The following ANKRD10 variants were observed in gnomAD, a reference collection of about 807,000 sequenced individuals.
ANKRD10 encodes the protein ankyrin repeat domain-containing protein 10.
In ANKRD10, 14 loss-of-function variants were observed where a neutral mutation model predicts 27.0. The ratio of observed to expected loss-of-function variants is 0.52; its 90% CI spans 0.34 to 0.81. The LOEUF is 0.81. Among genes scored for constraint, ANKRD10 ranks in the 40% least tolerant of loss-of-function variants. The probability of loss-of-function intolerance (pLI) is 0.01; values close to 1 mark genes in which losing one functional copy is unlikely to be tolerated. For missense variants in ANKRD10, 493 were observed against 544.0 expected (o/e 0.91, Z 0.93); for synonymous variants, 250 against 224.5 (o/e 1.11, Z -1.01).
At chr13:110,887,363 C>A (rs976083023) in intron 4 of ANKRD10, among the ~76,000 whole-genome samples, 1 of 152,112 alleles carries the variant, frequency 6.6e-6, no homozygotes, top group Non-Finnish European at 1.5e-5. Context: ...CAATTGGACA[C>A]CAAGGTCGTG....
intron 1 of ANKRD10, among the ~76,000 whole-genome samples, chr13:110,912,435 T>C (rs1323029219): frequency 2.0e-5 from 3 of 152,218 alleles, no homozygotes; most frequent in Non-Finnish European, 1.5e-5. Context: ...ATTAATTCAC[T>C]GGGTGAAAAT....
Position 110,880,076 on chromosome 13 carries a change from G to T in ANKRD10, c.824C>A (p.Thr275Lys). Residue 275 changes from threonine to lysine, a missense_variant, in exon 6 of 6, where the codon ACA becomes AAA. Transcript: ENST00000267339. ...KNSSSVSNTL[T>K]NGCVINGHLD... Reference sequence around the variant, plus strand: ...ATGTCCATTGATGACACATCCATTTGTCAATGTATTCGATACGGAGCTACT... The same window carrying T: ...ATGTCCATTGATGACACATCCATTTTTCAATGTATTCGATACGGAGCTACT... The T allele has an allele frequency of 1.2e-6, 2 of 1,614,120 alleles. No individual in the cohort carries two copies. The highest frequency in any genetic ancestry group is 1.7e-6 in the Non-Finnish European group (2 of 1,180,030).
chr13:110,906,021 A>G lies in ANKRD10; in HGVS notation c.455+12T>C, dbSNP rs751010801. On this transcript the variant is annotated intron_variant, in intron 3 of 5. Transcript: ENST00000267339. ...CATCTTTAGCTGGAAAGAATAAACG[A>G]AAGACACTTACTCGACGTGAGCCCC... The G allele has an allele frequency of 1.3e-6, 2 of 1,581,370 alleles. No individual in the cohort carries two copies. Among genetic ancestry groups the G allele is most frequent in the East Asian group, 2.3e-5 (1 of 44,274 alleles).
chr13:110,903,373 C>CAATAATGG (rs2065438131), intron 3 of ANKRD10: 1 of 153,392 alleles, frequency 6.5e-6, no homozygotes, highest in Admixed American at 6.6e-5. Flanking sequence ...ATAATAATGA[C>CAATAATGG]CAACATATAA....
At chr13:110,886,854 T>C (rs1462689576) in intron 4 of ANKRD10, among the ~76,000 whole-genome samples, 1 of 152,178 alleles carries the variant, frequency 6.6e-6, no homozygotes, top group Non-Finnish European at 1.5e-5. Context: ...ACACAATGAT[T>C]GAATGCTTCT....
intron 1 of ANKRD10, 43 bp from the exon 2 acceptor site, chr13:110,910,813 G>GT (rs754030090): frequency 1.3e-6 from 2 of 1,576,782 alleles, no homozygotes; most frequent in South Asian, 2.3e-5. Flanking sequence ...AGACATGTCA[G>GT]TACACTATTC....
chr13:110,911,401 G>A (rs910687704), intron 1 of ANKRD10, among the ~76,000 whole-genome samples: 1 of 151,858 alleles, frequency 6.6e-6, no homozygotes, highest in South Asian at 2.1e-4. Flanking sequence ...GCAGAGGGCT[G>A]AGATCACGCC....
chr13:110,890,432 A>G (rs2065044138), intron 4 of ANKRD10, among the ~76,000 whole-genome samples: 1 of 152,234 alleles, frequency 6.6e-6, no homozygotes, highest in Admixed American at 6.5e-5. Context: ...ATGCCCATCT[A>G]TGCTCACACA....
chr13:110,897,449 A>C (rs1043956241), intron 3 of ANKRD10, among the ~76,000 whole-genome samples: 6 of 151,902 alleles, frequency 3.9e-5, no homozygotes, highest in African/African-American at 1.2e-4. Context: ...CCTTCCACAT[A>C]AGTACAGTAC....
chr13:110,896,801 A>T lies in ANKRD10; in HGVS notation c.456-3538T>A, dbSNP rs1277030696. 2.0e-5 allele frequency among the ~76,000 whole-genome samples: 3 copies of T among 152,214 alleles called. No individual in the cohort carries two copies. The East Asian group carries it at 5.8e-4, about 29-fold the overall frequency. On this transcript the variant is annotated intron_variant, in intron 3 of 5. Coordinates refer to ENST00000267339, the MANE Select transcript of ANKRD10 (RefSeq NM_017664.4). ...CATCTAATTTTATGTATTAGAAAAT[A>T]TTATTCTATTGATTTTTGCTCAACT...
At chr13:110,911,891 A>G (rs2065722913) in intron 1 of ANKRD10, 1 of 152,248 alleles carries the variant, frequency 6.6e-6, no homozygotes. Flanking sequence ...CTTTTACACA[A>G]GCCAGCACTG....
At chr13:110,883,845 G>C (rs1490946987) in intron 4 of ANKRD10, 52 bp from the exon 5 acceptor site, 1 of 1,559,512 alleles carries the variant, frequency 6.4e-7, no homozygotes, top group South Asian at 1.1e-5. Flanking sequence ...AACAAGATAA[G>C]TGTTCAGACA....
intron 4 of ANKRD10, among the ~76,000 whole-genome samples, chr13:110,888,731 GAA>G (rs1208851680): frequency 6.6e-6 from 1 of 152,154 alleles, no homozygotes; most frequent in Non-Finnish European, 1.5e-5. Context: ...TCCACTCTGG[GAA>G]AGTGTTAAAA....
chr13:110,888,954 T>C (rs935982809), intron 4 of ANKRD10, among the ~76,000 whole-genome samples: 3 of 152,166 alleles, frequency 2.0e-5, no homozygotes, highest in East Asian at 1.9e-4. Flanking sequence ...AATTGTGAAA[T>C]TGAAGTTATT....
intron 3 of ANKRD10, among the ~76,000 whole-genome samples, chr13:110,902,743 C>A (rs139713687): frequency 4.5e-4 from 69 of 152,346 alleles, no homozygotes; most frequent in African/African-American, 1.6e-3. Context: ...CCATTAAACA[C>A]TGGCATCCGT....
At chr13:110,897,801 C>G (rs2065269750) in intron 3 of ANKRD10, among the ~76,000 whole-genome samples, 1 of 152,192 alleles carries the variant, frequency 6.6e-6, no homozygotes, top group Non-Finnish European at 1.5e-5. Context: ...TTGTACAAGT[C>G]TACATTCCCA....
rs551713195 is a variant in ANKRD10 at position 110,914,779 on chromosome 13, A to G, written c.156T>C (p.Ser52=). 3 of 1,599,000 alleles carry G rather than the reference A, an allele frequency of 1.9e-6. No individual in the cohort carries two copies. Among genetic ancestry groups the G allele is most frequent in the African/African-American group, 2.7e-5 (2 of 74,630 alleles). ...LQQTPHAHLA[S]EDSFYGWTPV... ...GCGTCCAGCCATAGAAGGAGTCCTC[A>G]GAGGCCAGGTGGGCGTGGGGTGTCT... The change falls in exon 1 of 6, where the codon TCT becomes TCC. Residue 52 remains serine (S), a synonymous_variant. Transcript: ENST00000267339.
chr13:110,914,187 T>C (rs562385350), intron 1 of ANKRD10, among the ~76,000 whole-genome samples: 1 of 152,070 alleles, frequency 6.6e-6, no homozygotes, highest in Non-Finnish European at 1.5e-5. Context: ...GCTGAGCTCG[T>C]CCGCAGCGCG....
At chr13:110,890,014 T>G (rs891412533) in intron 4 of ANKRD10, among the ~76,000 whole-genome samples, 2 of 152,184 alleles carry the variant, frequency 1.3e-5, no homozygotes, top group Non-Finnish European at 2.9e-5. Context: ...CAAAGTATTT[T>G]ATATACATGT....
Sources: gnomAD v4.1 joint callset for allele counts (sites outside exome capture counted in the v4.1 genomes callset) on GRCh38, gnomAD v4.1.1 for gene constraint, MANE v1.5 for transcripts, NCBI Gene and HGNC (gene_info 2026-07-23, HGNC 2026-07-21) for gene names.